The following MAPK14 variants were observed in gnomAD, a reference collection of about 807,000 sequenced individuals.
MAPK14 encodes CSAID-binding protein.
In MAPK14, 16 loss-of-function variants were observed where a neutral mutation model predicts 49.6. The ratio of observed to expected loss-of-function variants is 0.32; its 90% confidence interval spans 0.22 to 0.49. MAPK14 has a LOEUF of 0.49. Ranked by LOEUF, MAPK14 falls within the 20% of genes least tolerant of loss-of-function variation. The pLI is 0.99. For synonymous variants in MAPK14, 142 were observed against 158.0 expected, an observed-to-expected ratio of 0.90 and a Z score of 0.76; for missense variants, 200 against 441.2, an observed-to-expected ratio of 0.45 and a Z score of 4.90.
At chr6:36,090,069 C>G (rs188197043) in intron 8 of MAPK14, among the ~76,000 whole-genome samples, 2 of 152,282 alleles carry the variant, frequency 1.3e-5, no homozygotes, top group African/African-American at 2.4e-5. Flanking sequence ...GAGTTAAAAT[C>G]CACTTGCCAT....
In MAPK14 at chr6:36,030,425, C is replaced by T. The variant is rs564946629; in HGVS notation, c.116+2152C>T. Reference sequence around the variant, plus strand: ...TCAGTGGGCCGGGTGCAGTGGCTCACGCCTGTAATCCCAGCACTTTGGGAG... The same window carrying T: ...TCAGTGGGCCGGGTGCAGTGGCTCATGCCTGTAATCCCAGCACTTTGGGAG... On this transcript the variant is annotated intron_variant, in intron 1 of 11. Coordinates refer to ENST00000229794, the MANE Select transcript of MAPK14 (RefSeq NM_139012.3). Among the ~76,000 whole-genome samples the T allele has an allele frequency of 7.2e-5, 11 of 152,248 alleles. No homozygotes were observed. The South Asian group carries it at 2.1e-3, about 29-fold the overall frequency.
intron 8 of MAPK14, among the ~76,000 whole-genome samples, chr6:36,087,660 A>G (rs1765040675): frequency 6.6e-6 from 1 of 152,252 alleles, no homozygotes; most frequent in Non-Finnish European, 1.5e-5. Flanking sequence ...ATGGAAAAAC[A>G]TTCTGTGCTC....
intron 1 of MAPK14, among the ~76,000 whole-genome samples, chr6:36,051,540 C>T (rs140108450): frequency 6.6e-6 from 1 of 152,190 alleles, no homozygotes; most frequent in South Asian, 2.1e-4. Context: ...ACCCACACAG[C>T]CTTTCTGTCT....
At chr6:36,065,724 G>T (rs994103910) in intron 3 of MAPK14, among the ~76,000 whole-genome samples, 2 of 151,994 alleles carry the variant, frequency 1.3e-5, no homozygotes, top group South Asian at 4.2e-4. Context: ...TTTTATGTGG[G>T]ATGACATAGT....
At chr6:36,036,362 A>G (rs903406655) in intron 1 of MAPK14, among the ~76,000 whole-genome samples, 2 of 152,168 alleles carry the variant, frequency 1.3e-5, no homozygotes, top group African/African-American at 4.8e-5. Context: ...GCTTATGAAC[A>G]TTGTTGAAAT....
chr6:36,059,884 C>G (rs1763742136), intron 3 of MAPK14, among the ~76,000 whole-genome samples: 1 of 152,162 alleles, frequency 6.6e-6, no homozygotes, highest in Admixed American at 6.5e-5. Context: ...ACTCCCTCCT[C>G]TTTTATCGCC....
chr6:36,090,482 T>C (rs1219409336), intron 8 of MAPK14, among the ~76,000 whole-genome samples: 1 of 151,602 alleles, frequency 6.6e-6, no homozygotes, highest in Non-Finnish European at 1.5e-5. Context: ...ATGTTGGGAT[T>C]ACAGGTGTGG....
Position 36,078,541 on chromosome 6 carries a change from A to C in MAPK14, c.682+1933A>C, listed in dbSNP as rs193270960. Among the ~76,000 whole-genome samples, 154 of 152,288 alleles carry C rather than the reference A, an allele frequency of 1.0e-3. 1 individual carries two copies. Among genetic ancestry groups the C allele is most frequent in the Non-Finnish European group, 1.8e-3 (121 of 68,016 alleles). Reference sequence around the variant, plus strand: ...CTATTCCCTGACCCTTTTAAATGCTAACTTTCTGCCTGTAGGAAATCTTCC... The same window carrying C: ...CTATTCCCTGACCCTTTTAAATGCTCACTTTCTGCCTGTAGGAAATCTTCC... On this transcript the variant is annotated intron_variant, in intron 8 of 11. Coordinates refer to ENST00000229794, the MANE Select transcript of MAPK14 (RefSeq NM_139012.3).
chr6:36,095,856 G>A (rs1158672147), intron 8 of MAPK14, 131 bp from the exon 9 acceptor site: 19 of 614,168 alleles, frequency 3.1e-5, no homozygotes, highest in East Asian at 2.7e-4. Context: ...GGGATTCACC[G>A]TGTTGGCTAG....
intron 3 of MAPK14, among the ~76,000 whole-genome samples, chr6:36,067,879 C>T (rs1033678973): frequency 3.3e-5 from 5 of 151,996 alleles, no homozygotes; most frequent in African/African-American, 4.8e-5. Context: ...ACACTGTTCT[C>T]GGTACTTTAG....
In MAPK14 at chr6:36,028,694, G is replaced by C. The variant is rs1762410237; in HGVS notation, c.116+421G>C. 6.6e-6 allele frequency among the ~76,000 whole-genome samples: 1 copy of C among 152,078 alleles called. No homozygotes were observed. The highest frequency in any genetic ancestry group is 2.4e-5 in the African/African-American group (1 of 41,412). On this transcript the variant is annotated intron_variant, in intron 1 of 11. Coordinates refer to ENST00000229794, the MANE Select transcript of MAPK14 (RefSeq NM_139012.3). This position sits in a 1 kb window ranked among gnomAD's most constrained non-coding sequence, Gnocchi z 5.1. ...GACCCTGGGTCCTCTGAGCAGACAA[G>C]CTCGGGGAACTGCCGGGAGAAGCAG... is the stretch of plus-strand genomic sequence containing the variant.
chr6:36,116,785 A>G, the MAPK14 span, among the ~76,000 whole-genome samples: 1 of 151,738 alleles, frequency 6.6e-6, no homozygotes, highest in Non-Finnish European at 1.5e-5. Flanking sequence ...CCTTCCCCCT[A>G]CTTTCCTTAC....
At chr6:36,119,586 AGAC>A in the MAPK14 span, among the ~76,000 whole-genome samples, 1 of 152,246 alleles carries the variant, frequency 6.6e-6, no homozygotes, top group Non-Finnish European at 1.5e-5. Flanking sequence ...ATGGCAGTGA[AGAC>A]AAATGAACTA....
At chr6:36,106,479 C>T (rs1242793993) in intron 10 of MAPK14, among the ~76,000 whole-genome samples, 2 of 151,924 alleles carry the variant, frequency 1.3e-5, no homozygotes, top group East Asian at 1.9e-4. Flanking sequence ...TAAAAGACAA[C>T]GTTGGAATAA....
chr6:36,054,357 T>C (rs1763512747), intron 2 of MAPK14, among the ~76,000 whole-genome samples: 1 of 152,176 alleles, frequency 6.6e-6, no homozygotes, highest in Non-Finnish European at 1.5e-5. Flanking sequence ...GAACATCTGG[T>C]TTAGGAGATT....
At chr6:36,104,785 G>A (rs530885200) in intron 10 of MAPK14, among the ~76,000 whole-genome samples, 1 of 152,296 alleles carries the variant, frequency 6.6e-6, no homozygotes, top group East Asian at 1.9e-4. Flanking sequence ...CCTCTTAACA[G>A]ACTCAGAAAG....
intron 9 of MAPK14, among the ~76,000 whole-genome samples, chr6:36,101,700 C>G (rs1436381612): frequency 6.6e-6 from 1 of 152,018 alleles, no homozygotes; most frequent in Non-Finnish European, 1.5e-5. Context: ...TTTTTGGAGA[C>G]AAGTTTTCAC....
chr6:36,095,861 G>A, intron 8 of MAPK14, 126 bp from the exon 9 acceptor site: 1 of 620,794 alleles, frequency 1.6e-6, no homozygotes, highest in South Asian at 2.0e-5. Flanking sequence ...TCACCGTGTT[G>A]GCTAGGTTTG....
intron 8 of MAPK14, among the ~76,000 whole-genome samples, chr6:36,077,692 CT>C (rs1764587738): frequency 6.6e-6 from 1 of 152,122 alleles, no homozygotes; most frequent in South Asian, 2.1e-4. Context: ...TTCTTTCTCT[CT>C]GAATATTAGG....
Sources: allele counts gnomAD v4.1 joint callset (sites outside exome capture counted in the v4.1 genomes callset), GRCh38; gene constraint gnomAD v4.1.1; non-coding constraint Gnocchi (gnomAD v3.1); transcripts MANE v1.5; gene names NCBI Gene and HGNC (gene_info 2026-07-23, HGNC 2026-07-21).